Variants in FRMPD4 observed in about 807,000 individuals in gnomAD.
FRMPD4 encodes the protein FERM and PDZ domain-containing protein 4.
In FRMPD4, 22 loss-of-function variants were observed where a neutral mutation model predicts 94.1. That is an observed-to-expected ratio of 0.23 (90% CI 0.17 to 0.33). The LOEUF is 0.33. Among genes scored for constraint, FRMPD4 ranks in the 10% least tolerant of loss-of-function variants. The pLI, the probability that FRMPD4 is intolerant of heterozygous loss-of-function variation, is 1.00. For synonymous variants in FRMPD4, 631 were observed against 548.6 expected, an observed-to-expected ratio of 1.15 and a Z score of -2.10; for missense variants, 1,111 against 1,339.9, an observed-to-expected ratio of 0.83 and a Z score of 2.67.
intron 3 of FRMPD4, among the ~76,000 whole-genome samples, chrX:12,098,410 A>G (rs2055225547): frequency 8.9e-6 from 1 of 112,620 alleles, no homozygotes; most frequent in Non-Finnish European, 1.9e-5. Context: ...AAGATTTGCA[A>G]TGAGTTCAAA....
chrX:12,600,891 G>A (rs893827625), intron 2 of FRMPD4, among the ~76,000 whole-genome samples: 1 of 111,947 alleles, frequency 8.9e-6, no homozygotes, highest in Non-Finnish European at 1.9e-5. Flanking sequence ...CTTGTTTAGA[G>A]TGTTCTTTTA....
intron 1 of FRMPD4, among the ~76,000 whole-genome samples, chrX:12,474,867 A>G (rs1353943807): frequency 1.8e-5 from 2 of 111,613 alleles, no homozygotes. Flanking sequence ...ATTCACAGCC[A>G]AATTCTACCA....
chrX:12,424,074 G>A (rs932082116), intron 1 of FRMPD4, among the ~76,000 whole-genome samples: 3 of 112,616 alleles, frequency 2.7e-5, no homozygotes, highest in Non-Finnish European at 5.6e-5. Context: ...TAGTAGCATG[G>A]CATTTTGTAC....
chrX:11,902,372 T>G (rs1407988202), intron 3 of FRMPD4, among the ~76,000 whole-genome samples: 1 of 111,303 alleles, frequency 9.0e-6, no homozygotes, highest in Non-Finnish European at 1.9e-5. Flanking sequence ...GCTCTCTTCC[T>G]GAAGCACATG....
intron 1 of FRMPD4, among the ~76,000 whole-genome samples, chrX:12,415,417 C>G (rs2056787603): frequency 9.0e-6 from 1 of 111,667 alleles, no homozygotes; most frequent in Non-Finnish European, 1.9e-5. Context: ...AATCTCATTT[C>G]TTTAGTTCTT....
rs749350615 is a variant in FRMPD4 at position 12,707,455 on chromosome X, C to T, written c.1288-14C>T. Reference sequence around the variant, plus strand: ...AGGTTCAGTATTTTTATGTTGTCAACTTCTCTTTCTCAGCAGGCAGAAAAG... The same window carrying T: ...AGGTTCAGTATTTTTATGTTGTCAATTTCTCTTTCTCAGCAGGCAGAAAAG... On this transcript the variant is annotated splice_polypyrimidine_tract_variant and intron_variant, in intron 12 of 16. Transcript: ENST00000675598. 8.5e-7 allele frequency: 1 copy of T among 1,171,880 alleles called. No homozygotes were observed. The highest frequency in any genetic ancestry group is 3.0e-5 in the East Asian group (1 of 33,123).
intron 1 of FRMPD4, among the ~76,000 whole-genome samples, chrX:11,849,989 C>A (rs776341604): frequency 1.8e-5 from 2 of 111,697 alleles, no homozygotes; most frequent in East Asian, 5.6e-4. Context: ...AATGGAAAGC[C>A]AACCTATGGA....
intron 1 of FRMPD4, among the ~76,000 whole-genome samples, chrX:12,178,743 G>A (rs1601665106): frequency 8.9e-6 from 1 of 111,832 alleles, no homozygotes; most frequent in African/African-American, 3.3e-5. Flanking sequence ...GTGCTGGTTG[G>A]AGAAGCATTT....
chrX:12,576,983 G>A (rs192858912), intron 2 of FRMPD4, among the ~76,000 whole-genome samples: 167 of 111,683 alleles, frequency 1.5e-3, no homozygotes, highest in African/African-American at 5.0e-3. Context: ...TCAATTTAAG[G>A]CTCTGATTAC....
intron 4 of FRMPD4, among the ~76,000 whole-genome samples, chrX:12,627,814 T>A (rs1316371371): frequency 8.9e-6 from 1 of 112,196 alleles, no homozygotes; most frequent in Non-Finnish European, 1.9e-5. Flanking sequence ...ATGTTTTCAA[T>A]GATCTCATAT....
At chrX:12,163,379 T>G (rs2056056210) in intron 1 of FRMPD4, among the ~76,000 whole-genome samples, 1 of 102,149 alleles carries the variant, frequency 9.8e-6, no homozygotes, top group African/African-American at 4.0e-5. Flanking sequence ...TTTTATTTTT[T>G]TGCTTATAAG....
At chrX:12,065,423 A>AG (rs2147464688) in intron 3 of FRMPD4, among the ~76,000 whole-genome samples, 1 of 112,288 alleles carries the variant, frequency 8.9e-6, no homozygotes, top group South Asian at 3.7e-4. Flanking sequence ...AGGCTTATTC[A>AG]GATGCCTATT....
chrX:11,858,022 A>G (rs753932070), intron 1 of FRMPD4, among the ~76,000 whole-genome samples: 1 of 111,750 alleles, frequency 8.9e-6, no homozygotes, highest in Admixed American at 9.5e-5. Flanking sequence ...TCACACCAGT[A>G]AGAATGACTA....
intron 3 of FRMPD4, among the ~76,000 whole-genome samples, chrX:11,922,469 G>A (rs182505653): frequency 6.3e-5 from 7 of 111,804 alleles, no homozygotes; most frequent in Middle Eastern, 4.6e-3. Context: ...CTAATACTGG[G>A]GATTACAATT....
intron 4 of FRMPD4, among the ~76,000 whole-genome samples, chrX:12,669,361 C>T (rs1379093863): frequency 1.8e-5 from 2 of 111,731 alleles, no homozygotes; most frequent in Non-Finnish European, 3.8e-5. Flanking sequence ...CATATGGGAC[C>T]CCAGCCCTGG....
intron 1 of FRMPD4, among the ~76,000 whole-genome samples, chrX:12,184,071 A>G (rs1281849401): frequency 9.0e-6 from 1 of 110,844 alleles, no homozygotes; most frequent in Non-Finnish European, 1.9e-5. Flanking sequence ...TCACCTGGGT[A>G]GATAAAGGAA....
intron 4 of FRMPD4, among the ~76,000 whole-genome samples, chrX:12,653,370 C>G (rs1288217711): frequency 1.8e-5 from 2 of 112,624 alleles, no homozygotes; most frequent in Non-Finnish European, 3.7e-5. Flanking sequence ...ATTAGAATTA[C>G]AAACTAAGAC....
intron 3 of FRMPD4, among the ~76,000 whole-genome samples, chrX:12,112,987 A>C (rs1473479986): frequency 5.4e-5 from 6 of 111,024 alleles, no homozygotes; most frequent in Non-Finnish European, 1.1e-4. Context: ...AACCAGATTC[A>C]CCCTTAAGTT....
At chrX:12,617,146 AGAG>A (rs1255737287) in intron 4 of FRMPD4, among the ~76,000 whole-genome samples, 3 of 112,531 alleles carry the variant, frequency 2.7e-5, no homozygotes, top group Admixed American at 1.9e-4. Context: ...CAGTTAAAAG[AGAG>A]GATGGCAAAC....
Sources: gnomAD v4.1 joint callset for allele counts (sites outside exome capture counted in the v4.1 genomes callset) on GRCh38, gnomAD v4.1.1 for gene constraint, MANE v1.5 for transcripts, NCBI Gene and HGNC (gene_info 2026-07-23, HGNC 2026-07-21) for gene names.